Variants in CNTN5 observed in about 807,000 individuals in gnomAD.
CNTN5 encodes contactin-5.
CNTN5 carries 77 observed loss-of-function variants against 129.1 expected under a neutral mutation model. That is an observed-to-expected ratio of 0.60 (90% CI 0.50 to 0.72). CNTN5 has a LOEUF of 0.72. CNTN5 is among the 30% of genes least tolerant of loss of function. The pLI is 0.00. For synonymous variants in CNTN5, 509 were observed against 465.6 expected, an observed-to-expected ratio of 1.09 and a Z score of -1.20; for missense variants, 1,478 against 1,328.8, an observed-to-expected ratio of 1.11 and a Z score of -1.75.
At chr11:99,047,415 A>T (rs7122409) in intron 1 of CNTN5, among the ~76,000 whole-genome samples, 11,620 of 150,824 alleles carry the variant, frequency 0.077, 843 homozygotes, top group East Asian at 0.23. Context: ...GTGTATGTGT[A>T]TGGCGTGTGT....
intron 1 of CNTN5, among the ~76,000 whole-genome samples, chr11:99,260,322 T>A (rs1263097017): frequency 9.2e-5 from 14 of 151,816 alleles, no homozygotes; most frequent in Admixed American, 9.2e-4. Context: ...CTCAATCAAA[T>A]GTGGATAGTG....
intron 1 of CNTN5, among the ~76,000 whole-genome samples, chr11:99,089,454 C>A (rs933650766): frequency 1.3e-5 from 2 of 152,152 alleles, no homozygotes; most frequent in African/African-American, 4.8e-5. Flanking sequence ...ATTGTTTAGA[C>A]AAGGACATGG....
chr11:100,141,639 G>A (rs946411451), intron 13 of CNTN5, among the ~76,000 whole-genome samples: 12 of 152,150 alleles, frequency 7.9e-5, no homozygotes, highest in South Asian at 2.1e-4. Flanking sequence ...GCTTGTCAAA[G>A]TATTTGGTAC....
At chr11:99,240,703 T>G (rs1311579306) in intron 1 of CNTN5, among the ~76,000 whole-genome samples, 18 of 152,100 alleles carry the variant, frequency 1.2e-4, no homozygotes. Context: ...GGATAAAACA[T>G]AAAATTAAGA....
At position 99,778,717 on chromosome 11, in the gene CNTN5, T is replaced by TA. The variant is rs888817796; in HGVS notation, c.56-40818dup. The stretch of plus-strand genomic sequence containing the variant: ...TCTTCTCCAAGGACAAGTAATAAAC[T>TA]AAAAAAAAATCAATGTATTAATATT... On this transcript the variant is annotated intron_variant, in intron 3 of 24. Transcript: ENST00000524871. Among the ~76,000 whole-genome samples, 37 of 151,094 alleles carry TA rather than the reference T, an allele frequency of 2.4e-4. 1 individual carries two copies. The highest frequency in any genetic ancestry group is 2.0e-3 in the East Asian group (10 of 5,106).
intron 3 of CNTN5, among the ~76,000 whole-genome samples, chr11:99,613,365 T>G (rs898032969): frequency 1.3e-5 from 2 of 152,206 alleles, no homozygotes; most frequent in African/African-American, 2.4e-5. Context: ...GGGAGAAGGG[T>G]CCTTGCTTCT....
intron 3 of CNTN5, among the ~76,000 whole-genome samples, chr11:99,689,116 A>G (rs532270800): frequency 1.3e-5 from 2 of 152,284 alleles, no homozygotes; most frequent in East Asian, 3.9e-4. Context: ...CTTTTGGAAT[A>G]TACCCAGTAG....
chr11:99,579,839 C>A (rs868548063), intron 3 of CNTN5, among the ~76,000 whole-genome samples: 1 of 150,670 alleles, frequency 6.6e-6, no homozygotes, highest in Non-Finnish European at 1.5e-5. Flanking sequence ...TCCTGCCTGA[C>A]TGCCCTGGCC....
At chr11:99,928,981 C>G (rs1283490044) in intron 7 of CNTN5, among the ~76,000 whole-genome samples, 2 of 152,190 alleles carry the variant, frequency 1.3e-5, no homozygotes. Context: ...CAAGTCATAT[C>G]TTGAATGCTT....
At chr11:100,023,237 T>A (rs531158288) in intron 9 of CNTN5, among the ~76,000 whole-genome samples, 3 of 152,346 alleles carry the variant, frequency 2.0e-5, no homozygotes, top group Non-Finnish European at 2.9e-5. Context: ...TATTGCTGTA[T>A]CCTCAAATTT....
chr11:99,749,306 T>TA, intron 3 of CNTN5, among the ~76,000 whole-genome samples: 1 of 152,196 alleles, frequency 6.6e-6, no homozygotes, highest in Non-Finnish European at 1.5e-5. Context: ...AAAAAAGATG[T>TA]AAAAAACACA....
intron 1 of CNTN5, among the ~76,000 whole-genome samples, chr11:99,253,802 A>G (rs902238347): frequency 2.0e-5 from 3 of 150,938 alleles, no homozygotes; most frequent in Non-Finnish European, 4.4e-5. Flanking sequence ...TTTACTTTGC[A>G]CCCAGCAACT....
chr11:99,431,504 T>G (rs1314426825), intron 2 of CNTN5, among the ~76,000 whole-genome samples: 1 of 152,118 alleles, frequency 6.6e-6, no homozygotes, highest in Non-Finnish European at 1.5e-5. Flanking sequence ...TCAATGAAAT[T>G]TGGGGAGATC....
At chr11:99,977,156 T>C (rs1268886605) in intron 8 of CNTN5, among the ~76,000 whole-genome samples, 1 of 152,208 alleles carries the variant, frequency 6.6e-6, no homozygotes, top group Admixed American at 6.5e-5. Context: ...TGCTAAAATA[T>C]AGCATGAGTT....
chr11:100,115,909 C>T (rs1305072523), intron 13 of CNTN5, among the ~76,000 whole-genome samples: 1 of 151,938 alleles, frequency 6.6e-6, no homozygotes, highest in Non-Finnish European at 1.5e-5. Context: ...GAATCTGGTT[C>T]TACATTCATG....
intron 13 of CNTN5, among the ~76,000 whole-genome samples, chr11:100,161,228 T>A (rs1478890364): frequency 6.6e-6 from 1 of 151,902 alleles, no homozygotes; most frequent in South Asian, 2.1e-4. Context: ...GAGAGCTGTA[T>A]AGCTAGTGGT....
At position 99,671,076 on chromosome 11, in the gene CNTN5, C is replaced by T. The variant is rs191758799; in HGVS notation, c.55+114807C>T. The stretch of plus-strand genomic sequence containing the variant: ...GCTTGCGCTTGCACGTGCTCTCTCT[C>T]GCTTTCTTGTGAGTTCTCTCGCTCG... On this transcript the variant is annotated intron_variant, in intron 3 of 24. Transcript: ENST00000524871. Among the ~76,000 whole-genome samples, 33 of 151,838 alleles carry T rather than the reference C, an allele frequency of 2.2e-4. 1 individual carries two copies. The highest frequency in any genetic ancestry group is 4.0e-4 in the Non-Finnish European group (27 of 67,962).
In CNTN5 at chr11:99,841,544, A is replaced by G. The variant is rs1947491079; in HGVS notation, c.278-3308A>G. On this transcript the variant is annotated intron_variant, in intron 4 of 24. Transcript: ENST00000524871. ...ATATACATATATAAAATCATGCTTT[A>G]TAAATGTTAGCACATAAGTATAATA... is the stretch of plus-strand genomic sequence containing the variant. Among the ~76,000 whole-genome samples, 3 of 151,784 alleles carry G rather than the reference A, an allele frequency of 2.0e-5. No individual in the cohort carries two copies. In the South Asian group the frequency reaches 6.2e-4, roughly 31 times the overall value.
chr11:100,050,149 C>G (rs1942878094), intron 9 of CNTN5, among the ~76,000 whole-genome samples: 1 of 152,128 alleles, frequency 6.6e-6, no homozygotes, highest in Admixed American at 6.6e-5. Context: ...GACTATAAAT[C>G]ATGCTGCTAT....
Sources: gnomAD v4.1 joint callset for allele counts (sites outside exome capture counted in the v4.1 genomes callset) on GRCh38, gnomAD v4.1.1 for gene constraint, MANE v1.5 for transcripts, NCBI Gene and HGNC (gene_info 2026-07-23, HGNC 2026-07-21) for gene names.